PHLDB2: variants seen among roughly 807,000 people sequenced by gnomAD.
PHLDB2 encodes pleckstrin homology-like domain family B member 2.
Under a neutral mutation model 123.6 loss-of-function variants are expected in PHLDB2, and 71 were observed. The ratio of observed to expected loss-of-function variants is 0.57; its 90% CI spans 0.47 to 0.70. The LOEUF (loss-of-function observed/expected upper bound fraction) is 0.70. Among genes scored for constraint, PHLDB2 ranks in the 30% least tolerant of loss-of-function variants. The pLI is 0.00. For synonymous variants in PHLDB2, 547 were observed against 541.6 expected (o/e 1.01, Z -0.14); for missense variants, 1,446 against 1,519.5 (o/e 0.95, Z 0.80).
At chr3:111,904,026 C>G (rs1364090809) in intron 2 of PHLDB2, among the ~76,000 whole-genome samples, 1 of 152,172 alleles carries the variant, frequency 6.6e-6, no homozygotes, top group African/African-American at 2.4e-5. Flanking sequence ...CCTGTAATCC[C>G]AGCACTTTTG....
chr3:111,925,926 G>A (rs985282097), intron 5 of PHLDB2, among the ~76,000 whole-genome samples: 1 of 152,228 alleles, frequency 6.6e-6, no homozygotes, highest in Non-Finnish European at 1.5e-5. Context: ...CAAAAATCAA[G>A]TCAGTTGTAC....
At chr3:111,970,565 T>A (rs1214874832) in intron 16 of PHLDB2, among the ~76,000 whole-genome samples, 1 of 152,196 alleles carries the variant, frequency 6.6e-6, no homozygotes, top group Admixed American at 6.5e-5. Flanking sequence ...ACTGAAATAT[T>A]TTTGGATTCT....
chr3:111,923,286 A>G (rs112493675), intron 5 of PHLDB2, among the ~76,000 whole-genome samples: 6 of 152,282 alleles, frequency 3.9e-5, no homozygotes, highest in African/African-American at 1.4e-4. Context: ...CCCGAGCAGC[A>G]TTCAGTACAG....
At chr3:111,776,087 A>G (rs1344414152) in intron 1 of PHLDB2, among the ~76,000 whole-genome samples, 1 of 152,206 alleles carries the variant, frequency 6.6e-6, no homozygotes, top group Non-Finnish European at 1.5e-5. Flanking sequence ...CTTATGAATA[A>G]CTAGACTGAG....
At position 111,952,672 on chromosome 3, in the gene PHLDB2, A is replaced by C. The variant is rs747499823; in HGVS notation, c.2732A>C (p.His911Pro). The change falls in exon 11 of 18, where the codon CAT (histidine) becomes CCT (proline). Residue 911 changes from histidine (H) to proline (P), a missense_variant. His to Pro is a moderately conservative substitution (Grantham distance 77). Around this residue, in one of 3 missense-constraint regions of PHLDB2, gnomAD observed 594 missense variants for 646.0 expected, o/e 0.92. Transcript: ENST00000431670. Reference sequence around the variant, plus strand: ...AAAACCACATCTTCCATCTCCCCACATTTCAGCAGTGCTACTATGGGGAGA... The same window carrying C: ...AAAACCACATCTTCCATCTCCCCACCTTTCAGCAGTGCTACTATGGGGAGA... ...RKKTTSSISP[H>P]FSSATMGRSI... 1.2e-6 allele frequency: 2 copies of C among 1,613,888 alleles called. No individual in the cohort carries two copies. Among genetic ancestry groups the C allele is most frequent in the Admixed American group, 3.3e-5 (2 of 59,964 alleles).
chr3:111,739,127 C>T (rs112882602), intron 1 of PHLDB2, among the ~76,000 whole-genome samples: 136 of 152,154 alleles, frequency 8.9e-4, no homozygotes, highest in South Asian at 2.1e-3. Flanking sequence ...AAGTTCTTTA[C>T]GGAAAATACA....
chr3:111,871,451 C>T (rs2065333058), intron 1 of PHLDB2, among the ~76,000 whole-genome samples: 1 of 151,372 alleles, frequency 6.6e-6, no homozygotes, highest in Non-Finnish European at 1.5e-5. Context: ...AGTTTAAGAC[C>T]AACCTGAGAA....
chr3:111,785,238 T>C (rs561571292), intron 1 of PHLDB2, among the ~76,000 whole-genome samples: 1 of 152,186 alleles, frequency 6.6e-6, no homozygotes, highest in Non-Finnish European at 1.5e-5. Flanking sequence ...ACTCACTTAT[T>C]CATGCTCTTT....
chr3:111,963,550 A>G (rs189951253), intron 13 of PHLDB2, among the ~76,000 whole-genome samples: 5 of 152,346 alleles, frequency 3.3e-5, no homozygotes, highest in African/African-American at 9.6e-5. Context: ...TGATATTGAA[A>G]GAGCAAAAAC....
At position 111,913,696 on chromosome 3, in the gene PHLDB2, A is replaced by T; in HGVS notation, c.1713A>T (p.Leu571=). 1 of 1,611,100 alleles carries T rather than the reference A, an allele frequency of 6.2e-7. No individual in the cohort carries two copies. Among genetic ancestry groups the T allele is most frequent in the South Asian group, 1.1e-5 (1 of 90,750 alleles). Residue 571 remains leucine, a synonymous_variant, in exon 3 of 18, where the codon CTA becomes CTT. Transcript: ENST00000431670. ...GCGAGTCCTCTTATCTAAGTATCCT[A>T]CCAAAGGTAATGTTGGCCCAGCAAA... ...ASSESSYLSI[L]PKTPEGISEE... is the part of the protein sequence containing the mutation.
intron 2 of PHLDB2, among the ~76,000 whole-genome samples, chr3:111,903,906 TGTTATAGGTCTG>T (rs1242571882): frequency 1.3e-5 from 2 of 152,082 alleles, no homozygotes; most frequent in Admixed American, 1.3e-4. Context: ...ATAATAACTG[TGTTATAGGTCTG>T]ATAAGTGCCA....
At chr3:111,859,871 A>C (rs1164260767) in intron 1 of PHLDB2, 2 of 985,426 alleles carry the variant, frequency 2.0e-6, no homozygotes, top group Non-Finnish European at 2.4e-6. Context: ...TGGAGGAAAG[A>C]TGAGACGGTG....
chr3:111,919,133 G>A lies in PHLDB2; in HGVS notation c.1781G>A (p.Arg594Gln), dbSNP rs148898642. 4.0e-5 allele frequency: 65 copies of A among 1,613,918 alleles called. No homozygotes were observed. The highest frequency in any genetic ancestry group is 1.8e-4 in the East Asian group (8 of 44,894). Residue 594 changes from arginine (R) to glutamine (Q), a missense_variant, in exon 4 of 18, where the codon CGG (arginine) becomes CAG (glutamine). Coordinates refer to ENST00000431670, the MANE Select transcript of PHLDB2 (RefSeq NM_001134438.2). ...SQELAAMEET[R>Q]IVILNNLEEL... The stretch of plus-strand genomic sequence containing the variant: ...GAGTTGGCTGCAATGGAAGAAACCC[G>A]GATAGTCATTCTGAACAACCTCGAG...
intron 1 of PHLDB2, among the ~76,000 whole-genome samples, chr3:111,843,348 T>C (rs1559863378): frequency 6.6e-6 from 1 of 152,234 alleles, no homozygotes. Context: ...CTAAAGATGT[T>C]CAGTATATCT....
chr3:111,872,064 A>T (rs1381692819), intron 1 of PHLDB2, among the ~76,000 whole-genome samples: 1 of 152,210 alleles, frequency 6.6e-6, no homozygotes, highest in Admixed American at 6.5e-5. Context: ...TAATTTATGG[A>T]TTGGAAAGTA....
chr3:111,751,165 T>TA (rs1290979207), intron 1 of PHLDB2, among the ~76,000 whole-genome samples: 2 of 121,022 alleles, frequency 1.7e-5, no homozygotes, highest in East Asian at 5.0e-4. Context: ...AAGGAGACAA[T>TA]GGGGTGTGTG....
Position 111,829,713 on chromosome 3 carries a change from T to C in PHLDB2, c.-48-16108T>C, listed in dbSNP as rs1042610417. 1.1e-4 allele frequency among the ~76,000 whole-genome samples: 16 copies of C among 152,110 alleles called. No individual in the cohort carries two copies. The South Asian group carries it at 2.7e-3, about 26-fold the overall frequency. On this transcript the variant is annotated intron_variant, in intron 1 of 17. Transcript: ENST00000393923. ...TCCTGACCTGGTGATCCGCCCGCCT[T>C]GGCCTCCCAAAGTGCTGGGATTATA... is the stretch of plus-strand genomic sequence containing the variant.
chr3:111,926,829 G>A (rs891138837), intron 5 of PHLDB2, among the ~76,000 whole-genome samples: 2 of 152,162 alleles, frequency 1.3e-5, no homozygotes, highest in African/African-American at 2.4e-5. Flanking sequence ...ATTCATAAAT[G>A]TAGCTACAGA....
At chr3:111,810,618 A>G (rs2061793057) in intron 1 of PHLDB2, among the ~76,000 whole-genome samples, 1 of 152,062 alleles carries the variant, frequency 6.6e-6, no homozygotes, top group Non-Finnish European at 1.5e-5. Flanking sequence ...TTACCTCCTA[A>G]AAGTTCTCTT....
Sources: gnomAD v4.1 joint callset for allele counts (sites outside exome capture counted in the v4.1 genomes callset) on GRCh38, gnomAD v4.1.1 for gene constraint, gnomAD v4.1.1 regional missense constraint, MANE v1.5 for transcripts, NCBI Gene and HGNC (gene_info 2026-07-23, HGNC 2026-07-21) for gene names.